Variants in DYNC1H1 observed in about 807,000 individuals in gnomAD.
DYNC1H1 encodes the protein dynein cytoplasmic 1 heavy chain 1, also known as cytoplasmic dynein 1 heavy chain 1.
Under a neutral mutation model 527.1 loss-of-function variants are expected in DYNC1H1, and 51 were observed. The observed-to-expected ratio is 0.10, with a 90% CI of 0.08 to 0.12. DYNC1H1 has a LOEUF of 0.12. Among genes scored for constraint, DYNC1H1 ranks in the 10% least tolerant of loss-of-function variants. DYNC1H1 has a pLI of 1.00. For missense variants in DYNC1H1, 2,771 were observed against 5,971.8 expected (o/e 0.46, Z 17.66); for synonymous variants, 2,189 against 2,278.8 (o/e 0.96, Z 1.12).
intron 44 of DYNC1H1, 115 bp downstream of exon 44, chr14:102,026,822 C>A: frequency 6.9e-7 from 1 of 1,456,362 alleles, no homozygotes; most frequent in Admixed American, 2.0e-5. Context: ...TCAGCCTTCT[C>A]CACCAAGCAG....
rs534619643 is a variant in DYNC1H1 at position 102,010,709 on chromosome 14, C to T, written c.6406-31C>T. ...AGCGGGCAGTACTTGAGCCATGCTG[C>T]GCTGCTCACAGCCCAGCCCTCTCCC... On this transcript the variant is annotated intron_variant, in intron 31 of 77. Transcript: ENST00000360184. The surrounding 1 kb of genome is among the most constrained non-coding windows in gnomAD (Gnocchi z 6.0). 16 of 1,608,520 alleles carry T rather than the reference C, an allele frequency of 9.9e-6. No individual in the cohort carries two copies. The East Asian group carries it at 1.6e-4, about 16-fold the overall frequency.
chr14:101,975,115 C>G (rs1164295913), intron 1 of DYNC1H1, among the ~76,000 whole-genome samples: 3 of 152,176 alleles, frequency 2.0e-5, no homozygotes, highest in African/African-American at 4.8e-5. Flanking sequence ...GCCTGGACTT[C>G]GGAATCACAA....
chr14:102,028,363 A>G (rs372709420), intron 48 of DYNC1H1: 2 of 486,906 alleles, frequency 4.1e-6, no homozygotes, highest in African/African-American at 2.0e-5. Context: ...AATACAAAGA[A>G]AATTAGCCGG....
chr14:102,017,538 C>A lies in DYNC1H1; in HGVS notation c.8177+34C>A. The A allele has an allele frequency of 6.2e-7, 1 of 1,609,830 alleles. No homozygotes were observed. The highest frequency in any genetic ancestry group is 8.5e-7 in the Non-Finnish European group (1 of 1,179,210). ...GCTCGGTAGACTGCTCTGCTTCACA[C>A]ACGCACAGCTCCAGGATTGCTGTAA... is the stretch of plus-strand genomic sequence containing the variant. On this transcript the variant is annotated intron_variant, in intron 40 of 77. Transcript: ENST00000360184. The surrounding 1 kb of genome is among the most constrained non-coding windows in gnomAD (Gnocchi z 4.6).
intron 1 of DYNC1H1, among the ~76,000 whole-genome samples, chr14:101,967,704 GT>G (rs1220494641): frequency 6.6e-6 from 1 of 152,176 alleles, no homozygotes; most frequent in African/African-American, 2.4e-5. Flanking sequence ...GCCAGGCATG[GT>G]GGTGTATGCC....
intron 2 of DYNC1H1, among the ~76,000 whole-genome samples, chr14:101,976,464 C>A (rs940976336): frequency 1.3e-5 from 2 of 151,446 alleles, no homozygotes; most frequent in African/African-American, 4.8e-5. Context: ...ATAGCTTGAA[C>A]CCGGGAGGCA....
At chr14:102,030,838 C>T (rs752219841) in intron 51 of DYNC1H1, 33 of 165,186 alleles carry the variant, frequency 2.0e-4, no homozygotes, top group Non-Finnish European at 3.0e-4. Flanking sequence ...CGAGGTGGCT[C>T]GCACTAATCC....
In DYNC1H1 at chr14:102,038,625, C is replaced by T. The variant is rs769249648; in HGVS notation, c.11055+19C>T. 1 of 1,614,206 alleles carries T rather than the reference C, an allele frequency of 6.2e-7. No individual in the cohort carries two copies. The highest frequency in any genetic ancestry group is 1.1e-5 in the South Asian group (1 of 91,078). ...TCCAACTGTAAGGAATGGGACCCTT[C>T]CCCAGGGAAATCTGGCAGGATGTGG... is the stretch of plus-strand genomic sequence containing the variant. On this transcript the variant is annotated intron_variant, in intron 58 of 77. Transcript: ENST00000360184. The surrounding 1 kb of genome is among the most constrained non-coding windows in gnomAD (Gnocchi z 7.2).
chr14:101,987,750 TC>T, intron 9 of DYNC1H1, 118 bp downstream of exon 9: 1 of 1,208,468 alleles, frequency 8.3e-7, no homozygotes, highest in Non-Finnish European at 1.2e-6. Context: ...ATAGTTCAAT[TC>T]CCCTCCAAAA....
rs781237553 is a variant in DYNC1H1, at chr14:101,994,981, C to T, written c.3334-5C>T. 7.4e-6 allele frequency: 12 copies of T among 1,613,888 alleles called. No individual in the cohort carries two copies. The Admixed American group carries it at 1.8e-4, about 25-fold the overall frequency. On this transcript the variant is annotated splice_polypyrimidine_tract_variant and splice_region_variant and intron_variant, in intron 13 of 77. Transcript: ENST00000360184. ...ATGATGTGTTGTGTGCTATTTCACC[C>T]TCAGGTACAATCTAAGGTGAACTTG...
chr14:102,036,719 AACTTTGTAAG>A lies in DYNC1H1; in HGVS notation c.10908+82_10908+91del, dbSNP rs927282457. On this transcript the variant is annotated intron_variant, in intron 57 of 77. Transcript: ENST00000360184. The surrounding 1 kb of genome is among the most constrained non-coding windows in gnomAD (Gnocchi z 5.6). ...TTTTTGGGGGCTGCCTTTAGTTTTC[AACTTTGTAAG>A]ACTTCATTTTGTATCAGAAGGATAA... is the stretch of plus-strand genomic sequence containing the variant. 112 of 1,577,858 alleles carry A rather than the reference AACTTTGTAAG, an allele frequency of 7.1e-5. No individual in the cohort carries two copies. Among genetic ancestry groups the A allele is most frequent in the Non-Finnish European group, 9.1e-5 (105 of 1,149,442 alleles).
Position 102,015,985 on chromosome 14 carries a change from C to T in DYNC1H1, c.7372C>T (p.Leu2458Phe), listed in dbSNP as rs1161281176. ...DLTRLRCLGSLFSMLHQACRN... is the reference protein window; with the variant it reads ...DLTRLRCLGSFFSMLHQACRN... ...AACACGCCTGCGCTGCCTGGGCTCG[C>T]TCTTCTCCATGCTGCACCAGGCCTG... The change falls in exon 36 of 78, where the codon CTC becomes TTC. Residue 2458 changes from leucine to phenylalanine, a missense_variant. Leu to Phe is a conservative substitution (Grantham distance 22). This residue lies in a region of DYNC1H1 where 122 missense variants were observed against 168.4 expected (regional missense o/e 0.72). Transcript: ENST00000360184. The surrounding 1 kb of genome is among the most constrained non-coding windows in gnomAD (Gnocchi z 6.9). The T allele has an allele frequency of 1.2e-6, 2 of 1,614,002 alleles. No individual in the cohort carries two copies. The highest frequency in any genetic ancestry group is 1.7e-6 in the Non-Finnish European group (2 of 1,180,016).
chr14:102,010,734 C>T lies in DYNC1H1; in HGVS notation c.6406-6C>T. 6.2e-7 allele frequency: 1 copy of T among 1,612,362 alleles called. No homozygotes were observed. On this transcript the variant is annotated splice_polypyrimidine_tract_variant and splice_region_variant and intron_variant, in intron 31 of 77. Coordinates refer to ENST00000360184, the MANE Select transcript of DYNC1H1 (RefSeq NM_001376.5). This position sits in a 1 kb window ranked among gnomAD's most constrained non-coding sequence, Gnocchi z 6.0. ...CGCTGCTCACAGCCCAGCCCTCTCC[C>T]CGTAGATTCTGATACAGAGCGTCTG...
At chr14:101,999,889 G>A (rs753112428) in intron 16 of DYNC1H1, 100 bp from the exon 17 acceptor site, 137 of 1,558,848 alleles carry the variant, frequency 8.8e-5, no homozygotes, top group Admixed American at 2.9e-4. Flanking sequence ...AATCCGAAAC[G>A]TCCAGAAGCC....
At position 102,010,352 on chromosome 14, in the gene DYNC1H1, G is replaced by A. The variant is rs1037029765; in HGVS notation, c.6298G>A (p.Ala2100Thr). Residue 2100 changes from alanine to threonine, a missense_variant, in exon 31 of 78, where the codon GCA (alanine) becomes ACA (threonine). Around this residue, in one of 32 missense-constraint regions of DYNC1H1, gnomAD observed 56 missense variants for 140.6 expected, o/e 0.40. Transcript: ENST00000360184. The surrounding 1 kb of genome is among the most constrained non-coding windows in gnomAD (Gnocchi z 6.0). ...GGCTTTGAAGAGTGTGCTGGTGAGT[G>A]CAGGCAATGTGAAGAGAGAGAGAAT... ...LRALKSVLVS[A>T]GNVKRERIQK... The A allele has an allele frequency of 6.2e-7, 1 of 1,614,092 alleles. No individual in the cohort carries two copies. The highest frequency in any genetic ancestry group is 8.5e-7 in the Non-Finnish European group (1 of 1,180,028).
At position 102,032,354 on chromosome 14, in the gene DYNC1H1, G is replaced by A. The variant is rs770158820; in HGVS notation, c.9966G>A (p.Glu3322=). The A allele has an allele frequency of 1.2e-6, 2 of 1,614,118 alleles. No homozygotes were observed. The highest frequency in any genetic ancestry group is 2.7e-5 in the African/African-American group (2 of 74,944). The part of the protein sequence containing the change: ...NPPAAVKLAL[E]SICLLLGEST... ...CTGCTGCTGTGAAGCTGGCGCTGGAGTCCATCTGCCTGCTGCTGGGGGAAA... is the reference window on the plus strand; with the variant it reads ...CTGCTGCTGTGAAGCTGGCGCTGGAATCCATCTGCCTGCTGCTGGGGGAAA... Residue 3322 remains glutamate (E), a synonymous_variant, in exon 52 of 78, where the codon GAG becomes GAA. Transcript: ENST00000360184.
Position 102,042,935 on chromosome 14 carries a change from C to A in DYNC1H1, c.12513+187C>A. 1.4e-6 allele frequency: 1 copy of A among 692,198 alleles called. No homozygotes were observed. Among genetic ancestry groups the A allele is most frequent in the Non-Finnish European group, 2.5e-6 (1 of 394,406 alleles). 42.9% of individuals were successfully genotyped at this position (692,198 alleles called of 1,614,324 possible). On this transcript the variant is annotated intron_variant, in intron 69 of 77. Transcript: ENST00000360184. This position sits in a 1 kb window ranked among gnomAD's most constrained non-coding sequence, Gnocchi z 5.7. Reference sequence around the variant, plus strand: ...GGCACCGTGGCTCACACTGGTAATCCTAGCACTTTGGAAGGTCGAGGTGGG... The same window carrying A: ...GGCACCGTGGCTCACACTGGTAATCATAGCACTTTGGAAGGTCGAGGTGGG...
chr14:101,971,718 C>T (rs922034584), intron 1 of DYNC1H1, among the ~76,000 whole-genome samples: 1 of 151,986 alleles, frequency 6.6e-6, no homozygotes, highest in African/African-American at 2.4e-5. Flanking sequence ...AGAGTGAGAT[C>T]CTGTCTCAAA....
At position 102,005,758 on chromosome 14, in the gene DYNC1H1, T is replaced by C. The variant is rs767679195; in HGVS notation, c.5434-130T>C. 4 of 1,167,194 alleles carry C rather than the reference T, an allele frequency of 3.4e-6. No individual in the cohort carries two copies. The Admixed American group carries it at 7.4e-5, about 22-fold the overall frequency. 72.3% of individuals were successfully genotyped at this position (1,167,194 alleles called of 1,614,324 possible). ...CATCTCTGAAAGTGAATTTGCCTTT[T>C]GGAACATTTACTGAAAGCCATTGTA... is the stretch of plus-strand genomic sequence containing the variant. On this transcript the variant is annotated intron_variant, in intron 26 of 77. Transcript: ENST00000360184. The surrounding 1 kb of genome is among the most constrained non-coding windows in gnomAD (Gnocchi z 4.0).
Sources: gnomAD v4.1 joint callset for allele counts (sites outside exome capture counted in the v4.1 genomes callset) on GRCh38, gnomAD v4.1.1 for gene constraint, gnomAD v4.1.1 regional missense constraint, Gnocchi (gnomAD v3.1) non-coding constraint, MANE v1.5 for transcripts, NCBI Gene and HGNC (gene_info 2026-07-23, HGNC 2026-07-21) for gene names.